The following SYT16 variants were observed in gnomAD, a reference collection of about 807,000 sequenced individuals.
SYT16 encodes the protein synaptotagmin-16.
A neutral mutation model predicts 61.4 loss-of-function variants in SYT16; 42 were observed. That is an observed-to-expected ratio of 0.68 (90% CI 0.53 to 0.89). The LOEUF is 0.89. Among genes scored for constraint, SYT16 ranks in the 40% least tolerant of loss-of-function variants. The pLI is 0.00. For synonymous variants in SYT16, 314 were observed against 302.3 expected, an observed-to-expected ratio of 1.04 and a Z score of -0.40; for missense variants, 804 against 807.3, an observed-to-expected ratio of 1.00 and a Z score of 0.05.
intron 3 of SYT16, among the ~76,000 whole-genome samples, chr14:62,060,961 G>A (rs2055800237): frequency 6.6e-6 from 1 of 151,998 alleles, no homozygotes; most frequent in Non-Finnish European, 1.5e-5. Context: ...TCAAGTGCAT[G>A]TCATTATGAT....
At chr14:61,865,503 C>T (rs2140295990) in intron 1 of SYT16, among the ~76,000 whole-genome samples, 1 of 152,268 alleles carries the variant, frequency 6.6e-6, no homozygotes, top group South Asian at 2.1e-4. Context: ...TGGGGGACCT[C>T]ATGGCCTGGG....
chr14:61,971,018 G>A (rs1431012546), intron 2 of SYT16, among the ~76,000 whole-genome samples: 3 of 151,864 alleles, frequency 2.0e-5, no homozygotes, highest in Non-Finnish European at 2.9e-5. Flanking sequence ...TGGTCAAGGA[G>A]CAACCTTACA....
intron 1 of SYT16, among the ~76,000 whole-genome samples, chr14:61,940,635 C>T (rs568415508): frequency 6.6e-6 from 1 of 152,282 alleles, no homozygotes; most frequent in Admixed American, 6.5e-5. Context: ...GCATAAAGTG[C>T]CTGGCACATA....
chr14:61,832,071 C>T (rs1027165010), intron 1 of SYT16: 2 of 720,732 alleles, frequency 2.8e-6, no homozygotes, highest in African/African-American at 1.7e-5. Context: ...AACCGTCTTC[C>T]ACTCGTTCAC....
chr14:61,975,927 T>C (rs757848722), intron 2 of SYT16, among the ~76,000 whole-genome samples: 21 of 152,224 alleles, frequency 1.4e-4, no homozygotes, highest in Non-Finnish European at 3.1e-4. Flanking sequence ...CAAAGTCTTA[T>C]CTGAGACAAG....
intron 3 of SYT16, among the ~76,000 whole-genome samples, chr14:62,024,117 T>C (rs1166923192): frequency 6.6e-6 from 1 of 152,120 alleles, no homozygotes; most frequent in African/African-American, 2.4e-5. Flanking sequence ...ATCTTTATGG[T>C]CATAATAATA....
At chr14:62,044,215 T>A (rs1321070479) in intron 3 of SYT16, among the ~76,000 whole-genome samples, 8 of 146,720 alleles carry the variant, frequency 5.5e-5, no homozygotes, top group African/African-American at 7.4e-5. Context: ...AAAAAAAAAA[T>A]AGGAAACGAA....
At chr14:62,011,028 C>T (rs535249024) in intron 3 of SYT16, among the ~76,000 whole-genome samples, 18 of 152,182 alleles carry the variant, frequency 1.2e-4, no homozygotes, top group East Asian at 5.8e-4. Flanking sequence ...TTTCCCTTTG[C>T]GAAGTTGGAT....
chr14:61,926,591 A>T (rs1247751183), intron 1 of SYT16, among the ~76,000 whole-genome samples: 1 of 152,202 alleles, frequency 6.6e-6, no homozygotes, highest in African/African-American at 2.4e-5. Context: ...AAGAGCTATA[A>T]TGTGAAAGAG....
At chr14:61,812,547 C>G (rs1381232350), upstream of SYT16, among the ~76,000 whole-genome samples, 1 of 150,958 alleles carries the variant, frequency 6.6e-6, no homozygotes, top group Non-Finnish European at 1.5e-5. Flanking sequence ...GATCCAGCCT[C>G]TAGGCGCCGC....
At chr14:62,061,731 T>A (rs1025537475) in intron 3 of SYT16, among the ~76,000 whole-genome samples, 4 of 152,116 alleles carry the variant, frequency 2.6e-5, no homozygotes, top group African/African-American at 9.7e-5. Context: ...TATTAAGGGC[T>A]TCAAAATACA....
At chr14:62,001,835 T>C (rs2053030641) in intron 3 of SYT16, among the ~76,000 whole-genome samples, 1 of 152,046 alleles carries the variant, frequency 6.6e-6, no homozygotes. Flanking sequence ...ATCTTCAAGT[T>C]TACTAATATT....
At chr14:61,844,819 A>G (rs984700759) in intron 1 of SYT16, among the ~76,000 whole-genome samples, 3 of 152,130 alleles carry the variant, frequency 2.0e-5, no homozygotes, top group Non-Finnish European at 4.4e-5. Flanking sequence ...ATCAATATTC[A>G]TCAGAGATAT....
At chr14:62,093,414 T>C (rs2057162183) in intron 7 of SYT16, among the ~76,000 whole-genome samples, 1 of 151,920 alleles carries the variant, frequency 6.6e-6, no homozygotes, top group African/African-American at 2.4e-5. Flanking sequence ...GGGACAAAAA[T>C]TGCTATGTAA....
chr14:61,863,507 A>G (rs1018412481), intron 1 of SYT16, among the ~76,000 whole-genome samples: 1 of 152,214 alleles, frequency 6.6e-6, no homozygotes, highest in African/African-American at 2.4e-5. Flanking sequence ...TATATTTTGG[A>G]TAACAGTTCT....
At chr14:62,000,392 T>C (rs2052962591) in intron 3 of SYT16, among the ~76,000 whole-genome samples, 1 of 151,926 alleles carries the variant, frequency 6.6e-6, no homozygotes, top group Non-Finnish European at 1.5e-5. Flanking sequence ...TCCAACTTTC[T>C]TTTGATTAGT....
chr14:61,845,924 C>T (rs1023679750), intron 1 of SYT16, among the ~76,000 whole-genome samples: 2 of 152,144 alleles, frequency 1.3e-5, no homozygotes, highest in Non-Finnish European at 2.9e-5. Flanking sequence ...TTCTTAATTT[C>T]TCCGTAGACC....
At chr14:61,893,756 C>A (rs4144339) in intron 1 of SYT16, among the ~76,000 whole-genome samples, 3 of 152,156 alleles carry the variant, frequency 2.0e-5, no homozygotes, top group African/African-American at 7.2e-5. Flanking sequence ...ACCATTCCAA[C>A]CTCCCCATTT....
rs182648102 is a variant in SYT16, at chr14:62,061,963, T to G, written c.524-7640T>G. ...TGACTTAAAAAATGTTGTTGTGAAT[T>G]TATAATTTTTTACTTGTAGAGGGGT... On this transcript the variant is annotated intron_variant, in intron 3 of 7. Coordinates refer to ENST00000683842, the MANE Select transcript of SYT16 (RefSeq NM_001367656.1). Among the ~76,000 whole-genome samples the G allele has an allele frequency of 1.6e-3, 181 of 113,242 alleles. 3 individuals carry two copies. The East Asian group carries it at 0.029, about 18-fold the overall frequency. 74.3% of individuals were successfully genotyped at this position (113,242 alleles called of 152,430 possible). A position where few individuals can be genotyped will look rare whatever the true frequency, so the allele number is the denominator to read the frequency against.
Sources: allele counts gnomAD v4.1 joint callset (sites outside exome capture counted in the v4.1 genomes callset), GRCh38; gene constraint gnomAD v4.1.1; transcripts MANE v1.5; gene names NCBI Gene and HGNC (gene_info 2026-07-23, HGNC 2026-07-21).